The following SHISA9 variants were observed in gnomAD, a reference collection of about 807,000 sequenced individuals.
SHISA9 encodes shisa family member 9.
A neutral mutation model predicts 38.0 loss-of-function variants in SHISA9; 13 were observed. The ratio of observed to expected loss-of-function variants is 0.34; its 90% CI spans 0.22 to 0.54. SHISA9 has a LOEUF of 0.54. Ranked by LOEUF, SHISA9 falls within the 20% of genes least tolerant of loss-of-function variation. The pLI is 0.91. For missense variants in SHISA9, 538 were observed against 575.8 expected (o/e 0.93, Z 0.67); for synonymous variants, 275 against 242.0 (o/e 1.14, Z -1.27).
intron 4 of SHISA9, among the ~76,000 whole-genome samples, chr16:13,229,636 A>T (rs1341606901): frequency 6.6e-6 from 1 of 152,218 alleles, no homozygotes; most frequent in Non-Finnish European, 1.5e-5. Context: ...AAGCTCCCCC[A>T]TGTGATTTCC....
At chr16:13,135,113 T>G (rs2050337510) in intron 2 of SHISA9, among the ~76,000 whole-genome samples, 1 of 152,170 alleles carries the variant, frequency 6.6e-6, no homozygotes, top group Non-Finnish European at 1.5e-5. Flanking sequence ...CAGGTTGCCA[T>G]CAATGGGAGC....
the SHISA9 span, among the ~76,000 whole-genome samples, chr16:13,313,532 G>A: frequency 6.6e-6 from 1 of 152,148 alleles, no homozygotes; most frequent in African/African-American, 2.4e-5. Flanking sequence ...AAATGAAAAT[G>A]CTTAAAAAGT....
At chr16:12,960,787 CT>C (rs1183471387) in intron 2 of SHISA9, among the ~76,000 whole-genome samples, 4 of 152,280 alleles carry the variant, frequency 2.6e-5, no homozygotes, top group African/African-American at 7.2e-5. Context: ...CTCTTCCCTC[CT>C]CTCCAACCCT....
chr16:13,408,688 C>T, the SHISA9 span, among the ~76,000 whole-genome samples: 2 of 152,306 alleles, frequency 1.3e-5, no homozygotes, highest in Admixed American at 1.3e-4. Flanking sequence ...GAATTTCCCA[C>T]ACACAGCCTA....
At chr16:13,302,644 C>G in the SHISA9 span, among the ~76,000 whole-genome samples, 1 of 152,182 alleles carries the variant, frequency 6.6e-6, no homozygotes, top group East Asian at 1.9e-4. Context: ...TGTCTTCTAT[C>G]CCCCAGGAAT....
intron 2 of SHISA9, among the ~76,000 whole-genome samples, chr16:12,973,354 G>A (rs2072110818): frequency 6.6e-6 from 1 of 152,210 alleles, no homozygotes; most frequent in Non-Finnish European, 1.5e-5. Context: ...AGAAAGTCAA[G>A]AAACATGTGC....
intron 1 of SHISA9, among the ~76,000 whole-genome samples, chr16:12,916,074 A>G (rs1360997743): frequency 7.2e-6 from 1 of 139,598 alleles, no homozygotes; most frequent in Admixed American, 7.9e-5. Flanking sequence ...CACAGGTTGA[A>G]TTGTGTCTCC....
chr16:12,914,032 TTTTG>T (rs1452808767), intron 1 of SHISA9, among the ~76,000 whole-genome samples: 3 of 149,644 alleles, frequency 2.0e-5, no homozygotes, highest in Admixed American at 6.7e-5. Flanking sequence ...TTTATTTCTT[TTTTG>T]TTTGTTTTTC....
chr16:13,271,722 C>T, the SHISA9 span, among the ~76,000 whole-genome samples: 1 of 152,114 alleles, frequency 6.6e-6, no homozygotes, highest in South Asian at 2.1e-4. Context: ...TTGCCTGGAG[C>T]TGGAGGTGGG....
the SHISA9 span, among the ~76,000 whole-genome samples, chr16:13,391,350 CTG>C: frequency 2.0e-5 from 3 of 152,120 alleles, no homozygotes; most frequent in Non-Finnish European, 4.4e-5. Context: ...GTAAGCAAAA[CTG>C]TAGCTCTGTA....
chr16:13,248,182 T>C, the SHISA9 span, among the ~76,000 whole-genome samples: 1 of 152,158 alleles, frequency 6.6e-6, no homozygotes, highest in Non-Finnish European at 1.5e-5. Flanking sequence ...TTTGATTCTT[T>C]TTCACGTGGA....
intron 2 of SHISA9, among the ~76,000 whole-genome samples, chr16:13,143,010 T>TTTTA (rs1168536604): frequency 6.7e-6 from 1 of 149,304 alleles, no homozygotes; most frequent in African/African-American, 2.5e-5. Flanking sequence ...TTTTATTTTA[T>TTTTA]TTTATTTTAT....
chr16:13,114,281 A>G (rs907638401), intron 2 of SHISA9, among the ~76,000 whole-genome samples: 1 of 151,994 alleles, frequency 6.6e-6, no homozygotes, highest in African/African-American at 2.4e-5. Flanking sequence ...CCTGGCTAAC[A>G]TGGTGAAACC....
intron 2 of SHISA9, among the ~76,000 whole-genome samples, chr16:13,110,396 A>T (rs1205712533): frequency 2.6e-5 from 4 of 152,210 alleles, no homozygotes; most frequent in Non-Finnish European, 5.9e-5. Flanking sequence ...TTCCGTGCTG[A>T]AAAGGGCTTT....
At chr16:13,212,825 G>A (rs1426653288) in intron 3 of SHISA9, among the ~76,000 whole-genome samples, 5 of 152,164 alleles carry the variant, frequency 3.3e-5, no homozygotes, top group Non-Finnish European at 2.9e-5. Flanking sequence ...TTTTCAGGAG[G>A]GGGATTGCAG....
chr16:13,356,906 T>A, the SHISA9 span, among the ~76,000 whole-genome samples: 1 of 151,916 alleles, frequency 6.6e-6, no homozygotes, highest in African/African-American at 2.4e-5. Flanking sequence ...TACCGTCGAG[T>A]TTGTATTGGG....
At chr16:13,014,857 G>A (rs1161450225) in intron 2 of SHISA9, among the ~76,000 whole-genome samples, 1 of 152,240 alleles carries the variant, frequency 6.6e-6, no homozygotes. Context: ...CTCCTGTGAT[G>A]TTTTCCATTG....
chr16:13,447,989 A>T, the SHISA9 span, among the ~76,000 whole-genome samples: 1 of 152,220 alleles, frequency 6.6e-6, no homozygotes, highest in Non-Finnish European at 1.5e-5. Context: ...GAGAAACCTG[A>T]AAAGGAAAAC....
At chr16:13,178,190 C>T (rs973501929) in intron 2 of SHISA9, among the ~76,000 whole-genome samples, 20 of 152,280 alleles carry the variant, frequency 1.3e-4, no homozygotes, top group African/African-American at 4.6e-4. Context: ...AGAGCATTCT[C>T]CTCCATCCAT....
Sources: allele counts gnomAD v4.1 joint callset (sites outside exome capture counted in the v4.1 genomes callset), GRCh38; gene constraint gnomAD v4.1.1; transcripts MANE v1.5; gene names NCBI Gene and HGNC (gene_info 2026-07-23, HGNC 2026-07-21).